The following PLXNC1 variants were observed in gnomAD, a reference collection of about 807,000 sequenced individuals.
PLXNC1 encodes plexin C1, also known as plexin-C1.
Under a neutral mutation model 178.2 loss-of-function variants are expected in PLXNC1, and 75 were observed. That is an observed-to-expected ratio of 0.42 (90% CI 0.35 to 0.51). PLXNC1 has a LOEUF of 0.51. PLXNC1 is among the 20% of genes least tolerant of loss of function. The pLI, the probability that PLXNC1 is intolerant of heterozygous loss-of-function variation, is 0.02. For missense variants in PLXNC1, 1,503 were observed against 1,984.4 expected (o/e 0.76, Z 4.61); for synonymous variants, 790 against 779.9 (o/e 1.01, Z -0.22).
intron 4 of PLXNC1, among the ~76,000 whole-genome samples, chr12:94,188,750 G>T (rs1334010135): frequency 6.6e-6 from 1 of 152,278 alleles, no homozygotes; most frequent in African/African-American, 2.4e-5. Flanking sequence ...TCTTTCAGCA[G>T]GTGGAAGAAA....
chr12:94,245,129 C>T (rs1231045147), intron 12 of PLXNC1, among the ~76,000 whole-genome samples: 3 of 152,226 alleles, frequency 2.0e-5, no homozygotes, highest in Non-Finnish European at 4.4e-5. Flanking sequence ...TTCCAAGCCT[C>T]ACACTGTATC....
chr12:94,226,526 G>A lies in PLXNC1; in HGVS notation c.1791-79G>A. On this transcript the variant is annotated intron_variant, in intron 7 of 30. Coordinates refer to ENST00000258526, the MANE Select transcript of PLXNC1 (RefSeq NM_005761.3). ...TTTGCCTTCTTTTAAATGCTTGCAT[G>A]CCACATCACAGAGGGAAATTCTAGG... 7 of 865,994 alleles carry A rather than the reference G, an allele frequency of 8.1e-6. No individual in the cohort carries two copies. The East Asian group carries it at 1.0e-4, about 13-fold the overall frequency. The allele number at this position is 865,994 out of a possible 1,614,324, so 53.6% of individuals were successfully genotyped here. A position where few individuals can be genotyped will look rare whatever the true frequency, so the allele number is the denominator to read the frequency against.
chr12:94,215,596 AAAAT>A (rs903436362), intron 5 of PLXNC1, among the ~76,000 whole-genome samples: 3 of 152,124 alleles, frequency 2.0e-5, no homozygotes, highest in Non-Finnish European at 4.4e-5. Context: ...ATAGATATCA[AAAAT>A]AATTTAATCC....
In PLXNC1 at chr12:94,279,491, A is replaced by G. The variant is rs1274210211; in HGVS notation, c.3617A>G (p.Glu1206Gly). ...TTGCAGGCATTAAACGTCGTCTTTG[A>G]AAAAATCCCGGAAAACGAGAGTGCA... ...FSTVALNVVF[E>G]KIPENESADV... Residue 1206 changes from glutamate (E) to glycine (G), a missense_variant, in exon 22 of 31, where the codon GAA becomes GGA. Coordinates refer to ENST00000258526, the MANE Select transcript of PLXNC1 (RefSeq NM_005761.3). The G allele has an allele frequency of 6.2e-7, 1 of 1,613,266 alleles. No individual in the cohort carries two copies. The highest frequency in any genetic ancestry group is 2.2e-5 in the East Asian group (1 of 44,886).
Position 94,149,014 on chromosome 12 carries a change from C to T in PLXNC1, c.43C>T (p.Pro15Ser). ...RRKAPPRPPRPAAPLPLLAYL... is the reference protein window; with the variant it reads ...RRKAPPRPPRSAAPLPLLAYL... ...GAAGGCGCCGCCGCGCCCCCCGCGC[C>T]CCGCAGCGCCACTGCCCCTGCTCGC... is the stretch of plus-strand genomic sequence containing the variant. The change falls in exon 1 of 31, where the codon CCC (proline) becomes TCC (serine). Residue 15 changes from proline to serine, a missense_variant. Coordinates refer to ENST00000258526, the MANE Select transcript of PLXNC1 (RefSeq NM_005761.3). 6.8e-7 allele frequency: 1 copy of T among 1,472,396 alleles called. No individual in the cohort carries two copies. The highest frequency in any genetic ancestry group is 8.9e-7 in the Non-Finnish European group (1 of 1,119,886). The allele number at this position is 1,472,396 out of a possible 1,614,324, so 91.2% of individuals were successfully genotyped here.
At chr12:94,236,160 C>T (rs1357202826) in intron 9 of PLXNC1, among the ~76,000 whole-genome samples, 1 of 152,204 alleles carries the variant, frequency 6.6e-6, no homozygotes. Context: ...TCTATTAATA[C>T]AGGGCTAACG....
At chr12:94,256,844 C>CA (rs35718233) in intron 17 of PLXNC1, among the ~76,000 whole-genome samples, 22,756 of 110,512 alleles carry the variant, frequency 0.21, 2,050 homozygotes, top group South Asian at 0.31. Context: ...TGAGTGTTTC[C>CA]AAAAAAAAAA....
intron 4 of PLXNC1, among the ~76,000 whole-genome samples, chr12:94,192,959 G>A (rs1365692404): frequency 1.3e-5 from 2 of 152,030 alleles, no homozygotes; most frequent in Admixed American, 6.6e-5. Context: ...GGAAGTTTAG[G>A]GTTTCATGGG....
chr12:94,178,963 G>A lies in PLXNC1; in HGVS notation c.1204-2483G>A, dbSNP rs568057719. Among the ~76,000 whole-genome samples, 15 of 152,288 alleles carry A rather than the reference G, an allele frequency of 9.8e-5. 1 individual carries two copies. Among genetic ancestry groups the A allele is most frequent in the African/African-American group, 3.6e-4 (15 of 41,556 alleles). On this transcript the variant is annotated intron_variant, in intron 2 of 30. Transcript: ENST00000258526. ...TAGTGAGATTGACTTTTACAAAGCT[G>A]CTGCTGAATTTGATGAGCAGTCCAA...
intron 23 of PLXNC1, among the ~76,000 whole-genome samples, chr12:94,288,049 C>T (rs564030032): frequency 1.8e-4 from 28 of 152,352 alleles, no homozygotes; most frequent in Middle Eastern, 3.4e-3. Context: ...TGCGCAGGGC[C>T]TGAGGGATAC....
intron 3 of PLXNC1, among the ~76,000 whole-genome samples, chr12:94,183,063 A>G (rs976883559): frequency 1.3e-5 from 2 of 152,220 alleles, no homozygotes; most frequent in African/African-American, 4.8e-5. Context: ...TTGAACATGG[A>G]AAGTGCAAAG....
At chr12:94,209,564 G>T (rs1963403358) in intron 4 of PLXNC1, 26 bp from the exon 5 acceptor site, 1 of 1,348,008 alleles carries the variant, frequency 7.4e-7, no homozygotes. Context: ...GTATGGGGTC[G>T]CTGTTTTGTT....
intron 21 of PLXNC1, among the ~76,000 whole-genome samples, chr12:94,271,918 G>A (rs1407348519): frequency 6.6e-6 from 1 of 152,150 alleles, no homozygotes; most frequent in Non-Finnish European, 1.5e-5. Context: ...GGGTGCCTGT[G>A]TGCTTATGTT....
chr12:94,300,434 AAGG>A (rs1450241353), intron 27 of PLXNC1, among the ~76,000 whole-genome samples: 2 of 152,162 alleles, frequency 1.3e-5, no homozygotes, highest in African/African-American at 2.4e-5. Flanking sequence ...GAAAAATAGC[AAGG>A]AGAACAGGAG....
chr12:94,234,627 C>T (rs1366173855), intron 9 of PLXNC1, among the ~76,000 whole-genome samples: 2 of 152,124 alleles, frequency 1.3e-5, no homozygotes, highest in African/African-American at 4.8e-5. Flanking sequence ...TTATAGTCAA[C>T]GGTATTTTGA....
chr12:94,209,456 A>C (rs925109509), intron 4 of PLXNC1, 134 bp from the exon 5 acceptor site: 9 of 639,938 alleles, frequency 1.4e-5, no homozygotes, highest in Middle Eastern at 2.6e-4. Context: ...CGCTCAAATC[A>C]ATAATCCACT....
Position 94,227,198 on chromosome 12 carries a change from A to G in PLXNC1, c.1943A>G (p.Lys648Arg). 1.2e-6 allele frequency: 2 copies of G among 1,613,346 alleles called. No homozygotes were observed. Among genetic ancestry groups the G allele is most frequent in the Non-Finnish European group, 1.7e-6 (2 of 1,179,268 alleles). ...AAGACATCAGGAGGAGGAAGACCCA[A>G]GGAGAACAAGGGGAACAGAACCAAC... ...VEKTSGGGRP[K>R]ENKGNRTNQA... Residue 648 changes from lysine to arginine, a missense_variant, in exon 9 of 31, where the codon AAG (lysine) becomes AGG (arginine). Transcript: ENST00000258526.
chr12:94,276,446 G>C (rs1370586626), intron 21 of PLXNC1, among the ~76,000 whole-genome samples: 1 of 150,864 alleles, frequency 6.6e-6, no homozygotes, highest in Non-Finnish European at 1.5e-5. Flanking sequence ...GGAGGGTCAG[G>C]AGGGCTCCTG....
At chr12:94,230,835 A>G (rs1314891110) in intron 9 of PLXNC1, among the ~76,000 whole-genome samples, 1 of 152,218 alleles carries the variant, frequency 6.6e-6, no homozygotes, top group East Asian at 1.9e-4. Flanking sequence ...GCTAGGCACT[A>G]GGAATGGAGC....
Sources: allele counts gnomAD v4.1 joint callset (sites outside exome capture counted in the v4.1 genomes callset), GRCh38; gene constraint gnomAD v4.1.1; transcripts MANE v1.5; gene names NCBI Gene and HGNC (gene_info 2026-07-23, HGNC 2026-07-21).